RNF213: variants seen among roughly 807,000 people sequenced by gnomAD.
The protein encoded by RNF213 is ring finger protein 213, also known as E3 ubiquitin-protein ligase RNF213.
A neutral mutation model predicts 514.4 loss-of-function variants in RNF213; 341 were observed. The ratio of observed to expected loss-of-function variants is 0.66; its 90% CI spans 0.61 to 0.73. The LOEUF is 0.73. RNF213 is among the 30% of genes least tolerant of loss of function. The pLI is 0.00. For synonymous variants in RNF213, 2,655 were observed against 2,658.2 expected (o/e 1.00, Z 0.04); for missense variants, 5,767 against 6,615.6 (o/e 0.87, Z 4.45).
At chr17:80,268,489 A>G (rs1207739608) in intron 2 of RNF213, among the ~76,000 whole-genome samples, 1 of 152,116 alleles carries the variant, frequency 6.6e-6, no homozygotes, top group Non-Finnish European at 1.5e-5. Flanking sequence ...CCTTTGTGGA[A>G]GACGGGTGGA....
Position 80,349,693 on chromosome 17 carries a change from A to C in RNF213, c.9952-77A>C, listed in dbSNP as rs201549978. ...GCGCTGAACATCGCAGGTTTCTAGG[A>C]TCTGTCTAAACCTGGCAGCAGACTT... On this transcript the variant is annotated intron_variant, in intron 29 of 67. Transcript: ENST00000582970. 7.5e-4 allele frequency: 1,109 copies of C among 1,485,908 alleles called. 2 individuals are homozygous for C. The highest frequency in any genetic ancestry group is 1.0e-3 in the Middle Eastern group (6 of 5,824). 92.0% of individuals were successfully genotyped at this position (1,485,908 alleles called of 1,614,324 possible).
intron 15 of RNF213, among the ~76,000 whole-genome samples, chr17:80,314,160 T>G (rs769533040): frequency 0.1 from 3,497 of 34,038 alleles, no homozygotes; most frequent in Non-Finnish European, 0.13. Context: ...GGTGGTGGTG[T>G]AGGTGATGGT....
chr17:80,348,392 C>T (rs1354843865), intron 29 of RNF213, 106 bp downstream of exon 29: 2 of 1,490,860 alleles, frequency 1.3e-6, no homozygotes, highest in Non-Finnish European at 1.8e-6. Context: ...AGGGATCCTG[C>T]AGGGAGATGC....
rs1334517230 is a variant in RNF213, at chr17:80,303,562, CTTTTCT to C, written c.2211-2685_2211-2680del. Among the ~76,000 whole-genome samples, 927 of 142,802 alleles carry C rather than the reference CTTTTCT, an allele frequency of 6.5e-3. 8 individuals carry two copies. The highest frequency in any genetic ancestry group is 0.026 in the African/African-American group (892 of 34,794). 93.7% of individuals were successfully genotyped at this position (142,802 alleles called of 152,430 possible). ...TTCTATTCCTTTTCTTTTTTCTTTT[CTTTTCT>C]TTTTTTTTTTTTTTTGAGACAGTCC... On this transcript the variant is annotated intron_variant, in intron 11 of 67. Transcript: ENST00000582970.
intron 11 of RNF213, chr17:80,298,770 G>T: frequency 2.4e-6 from 1 of 418,072 alleles, no homozygotes; most frequent in Non-Finnish European, 4.4e-6. Context: ...TTCGAGACCA[G>T]CCTGGCCAAC....
chr17:80,373,929 G>T (rs1359212664), intron 49 of RNF213, among the ~76,000 whole-genome samples: 1 of 151,636 alleles, frequency 6.6e-6, no homozygotes, highest in African/African-American at 2.4e-5. Context: ...CTTGAACCCG[G>T]GAGGCAGAGG....
At position 80,393,502 on chromosome 17, in the gene RNF213, T is replaced by C; in HGVS notation, c.*4T>C. On this transcript the variant is annotated 3_prime_UTR_variant, in exon 68 of 68. Coordinates refer to ENST00000582970, the MANE Select transcript of RNF213 (RefSeq NM_001256071.3). Reference sequence around the variant, plus strand: ...ATGGAATCGAGAAATGAGATAGAATTATTTCCTCAGCTATCTTTGGATGAC... The same window carrying C: ...ATGGAATCGAGAAATGAGATAGAATCATTTCCTCAGCTATCTTTGGATGAC... 6.2e-7 allele frequency: 1 copy of C among 1,614,006 alleles called. No individual in the cohort carries two copies. The highest frequency in any genetic ancestry group is 8.5e-7 in the Non-Finnish European group (1 of 1,179,936).
At chr17:80,344,610 G>A (rs1453529240) in intron 28 of RNF213, 68 bp from the exon 29 acceptor site, 8 of 1,565,742 alleles carry the variant, frequency 5.1e-6, no homozygotes, top group Admixed American at 1.7e-5. Flanking sequence ...AACGTGGAGG[G>A]TTAAGACACA....
chr17:80,344,165 C>A, intron 28 of RNF213, 150 bp downstream of exon 28: 1 of 788,188 alleles, frequency 1.3e-6, no homozygotes. Context: ...AAAAGCCCAT[C>A]TTTAAACTCA....
chr17:80,282,385 T>G (rs1354024539), intron 3 of RNF213, among the ~76,000 whole-genome samples: 1 of 152,110 alleles, frequency 6.6e-6, no homozygotes, highest in Non-Finnish European at 1.5e-5. Flanking sequence ...TATTTTATTT[T>G]TATTTTTTAT....
Position 80,389,409 on chromosome 17 carries a change from C to G in RNF213, c.15195+42C>G, listed in dbSNP as rs1411796206. On this transcript the variant is annotated intron_variant, in intron 65 of 67. Coordinates refer to ENST00000582970, the MANE Select transcript of RNF213 (RefSeq NM_001256071.3). ...AAAGGAAATCAGCACAGCCCCTCAC[C>G]CTGGTCTCCTGCTTCCCGCGAGGGA... The G allele has an allele frequency of 3.2e-6, 5 of 1,565,208 alleles. No individual in the cohort carries two copies. The East Asian group carries it at 1.1e-4, about 35-fold the overall frequency.
At chr17:80,387,940 T>C (rs1478529503) in intron 63 of RNF213, among the ~76,000 whole-genome samples, 1 of 149,844 alleles carries the variant, frequency 6.7e-6, no homozygotes, top group East Asian at 2.0e-4. Context: ...CCAGGAACTG[T>C]GAGAGCCCAT....
rs1447963811 is a variant in RNF213, at chr17:80,397,819, G to A, written c.*4321G>A. On this transcript the variant is annotated 3_prime_UTR_variant, in exon 68 of 68. Coordinates refer to ENST00000582970, the MANE Select transcript of RNF213 (RefSeq NM_001256071.3). The stretch of plus-strand genomic sequence containing the variant: ...CTGACCAGGAATCTAGGTGATTAAT[G>A]GATGGTTGAGGCAGCCCCTCAGACG... 6.7e-6 allele frequency: 1 copy of A among 150,300 alleles called. No homozygotes were observed. Among genetic ancestry groups the A allele is most frequent in the Non-Finnish European group, 1.5e-5 (1 of 67,784 alleles). The allele number at this position is 150,300 out of a possible 1,614,324, so 9.3% of individuals were successfully genotyped here. A position where few individuals can be genotyped will look rare whatever the true frequency, so the allele number is the denominator to read the frequency against.
chr17:80,355,143 C>T, intron 36 of RNF213: 2 of 455,660 alleles, frequency 4.4e-6, no homozygotes, highest in South Asian at 3.1e-5. Context: ...GACCTCCTGC[C>T]TGAAAGCCTA....
rs202096577 is a variant in RNF213 at position 80,346,419 on chromosome 17, C to T, written c.8084C>T (p.Ala2695Val). 665 of 1,613,492 alleles carry T rather than the reference C, an allele frequency of 4.1e-4. 1 individual carries two copies. Among genetic ancestry groups the T allele is most frequent in the Middle Eastern group, 1.8e-3 (11 of 6,062 alleles). The change falls in exon 29 of 68, where the codon GCC becomes GTC. Residue 2695 changes from alanine to valine, a missense_variant. Physicochemically the swap from Ala to Val is moderately conservative, Grantham distance 64. Around this residue, in one of 13 missense-constraint regions of RNF213, gnomAD observed 1,377 missense variants for 1,635.2 expected, o/e 0.84. Transcript: ENST00000582970. This position sits in a 1 kb window ranked among gnomAD's most constrained non-coding sequence, Gnocchi z 8.1. ...LMLAIGVCYH[A>V]SLEKKDSYRK... Reference sequence around the variant, plus strand: ...CTGGCCATCGGGGTGTGTTACCATGCCTCTTTAGAAAAGAAAGACTCATAT... The same window carrying T: ...CTGGCCATCGGGGTGTGTTACCATGTCTCTTTAGAAAAGAAAGACTCATAT...
In RNF213 at chr17:80,374,528, G is replaced by A; in HGVS notation, c.13013G>A (p.Arg4338His). Residue 4338 changes from arginine (R) to histidine (H), a missense_variant, in exon 50 of 68, where the codon CGT becomes CAT. By Grantham distance (29) the Arg-to-His change is conservative. Transcript: ENST00000582970. ...LVYGDEYKAL[R>H]DAVAKAVLEC... ...TACGGCGATGAATACAAGGCTCTCC[G>A]TGATGCTGTGGCCAAAGCTGTCCTC... The A allele has an allele frequency of 1.9e-6, 3 of 1,614,204 alleles. No homozygotes were observed. The highest frequency in any genetic ancestry group is 1.3e-5 in the African/African-American group (1 of 75,048).
intron 37 of RNF213, among the ~76,000 whole-genome samples, chr17:80,359,717 C>T (rs1274038561): frequency 6.6e-6 from 1 of 152,106 alleles, no homozygotes; most frequent in Non-Finnish European, 1.5e-5. Context: ...GTTCATGAAG[C>T]AAAGACTCTA....
At position 80,398,794 on chromosome 17, in the gene RNF213, A is replaced by G. The variant is rs2080710107; in HGVS notation, c.*5296A>G. On this transcript the variant is annotated 3_prime_UTR_variant, in exon 68 of 68. Coordinates refer to ENST00000582970, the MANE Select transcript of RNF213 (RefSeq NM_001256071.3). Reference sequence around the variant, plus strand: ...AAATCAAGAGGAAAAAAAGAAAAAAAGAGATATATATACAAGTAGTTAGAA... The same window carrying G: ...AAATCAAGAGGAAAAAAAGAAAAAAGGAGATATATATACAAGTAGTTAGAA... 1 of 152,150 alleles carries G rather than the reference A, an allele frequency of 6.6e-6. No individual in the cohort carries two copies. Among genetic ancestry groups the G allele is most frequent in the Non-Finnish European group, 1.5e-5 (1 of 67,986 alleles). 9.4% of individuals were successfully genotyped at this position (152,150 alleles called of 1,614,324 possible).
Position 80,353,154 on chromosome 17 carries a change from C to T in RNF213, c.10423+95C>T. On this transcript the variant is annotated intron_variant, in intron 33 of 67. Transcript: ENST00000582970. This position sits in a 1 kb window ranked among gnomAD's most constrained non-coding sequence, Gnocchi z 5.0. ...GTGCACATGGCACTAGGAGCAGGGC[C>T]ACCGTGTTTCGTCCCTCGGCAGGAG... is the stretch of plus-strand genomic sequence containing the variant. 6.5e-7 allele frequency: 1 copy of T among 1,543,264 alleles called. No individual in the cohort carries two copies. The highest frequency in any genetic ancestry group is 8.9e-7 in the Non-Finnish European group (1 of 1,129,888).
Sources: allele counts gnomAD v4.1 joint callset (sites outside exome capture counted in the v4.1 genomes callset), GRCh38; gene constraint gnomAD v4.1.1; regional missense constraint gnomAD v4.1.1; non-coding constraint Gnocchi (gnomAD v3.1); transcripts MANE v1.5; gene names NCBI Gene and HGNC (gene_info 2026-07-23, HGNC 2026-07-21).